The following WFS1 variants were observed in gnomAD, a reference collection of about 807,000 sequenced individuals.
WFS1 encodes the protein wolframin.
In WFS1, 90 loss-of-function variants were observed where a neutral mutation model predicts 68.5. The observed-to-expected ratio is 1.31, with a 90% CI of 1.11 to 1.56. The LOEUF (loss-of-function observed/expected upper bound fraction) is 1.56. Ranked by LOEUF, WFS1 falls within the 40% of genes most tolerant of loss-of-function variation. WFS1 has a pLI of 0.00. For synonymous variants in WFS1, 860 were observed against 540.7 expected (o/e 1.59, Z -8.19); for missense variants, 1,767 against 1,232.6 (o/e 1.43, Z -6.49).
intron 6 of WFS1, among the ~76,000 whole-genome samples, chr4:6,293,446 T>C (rs568746517): frequency 6.6e-6 from 1 of 152,304 alleles, no homozygotes; most frequent in African/African-American, 2.4e-5. Context: ...GCGTCTGTCA[T>C]CCCCTTCTCT....
intron 5 of WFS1, 147 bp downstream of exon 5, chr4:6,291,514 T>A: frequency 9.2e-7 from 1 of 1,090,288 alleles, no homozygotes; most frequent in Non-Finnish European, 1.3e-6. Flanking sequence ...ACAGGGCCCT[T>A]CCTTGTGGGG....
intron 1 of WFS1, among the ~76,000 whole-genome samples, chr4:6,272,121 G>A (rs1286527389): frequency 6.6e-6 from 1 of 152,216 alleles, no homozygotes; most frequent in Non-Finnish European, 1.5e-5. Flanking sequence ...GTGGAGTGAG[G>A]GCCCCCTTCT....
chr4:6,270,540 C>A (rs1729804601), intron 1 of WFS1, among the ~76,000 whole-genome samples: 1 of 152,126 alleles, frequency 6.6e-6, no homozygotes, highest in African/African-American at 2.4e-5. Context: ...CATTCTGAAT[C>A]CCCACAGCCC....
intron 7 of WFS1, 104 bp from the exon 8 acceptor site, chr4:6,300,553 G>A (rs1730841007): frequency 8.4e-6 from 13 of 1,543,378 alleles, no homozygotes; most frequent in South Asian, 8.2e-5. Flanking sequence ...ACGCAAGGGT[G>A]CGGGTTCCTT....
intron 7 of WFS1, among the ~76,000 whole-genome samples, chr4:6,297,990 T>G (rs1016440012): frequency 9.8e-5 from 15 of 152,312 alleles, no homozygotes; most frequent in African/African-American, 3.6e-4. Context: ...ATATTCCTTG[T>G]CTTTTAAAGG....
chr4:6,279,268 T>C (rs886419341), intron 2 of WFS1, among the ~76,000 whole-genome samples: 1 of 152,176 alleles, frequency 6.6e-6, no homozygotes, highest in African/African-American at 2.4e-5. Context: ...GAAATACCAA[T>C]AGGTAACAAC....
intron 1 of WFS1, among the ~76,000 whole-genome samples, chr4:6,271,293 G>A (rs922347218): frequency 2.0e-5 from 3 of 152,132 alleles, no homozygotes; most frequent in African/African-American, 4.8e-5. Flanking sequence ...TCCTCCCTTC[G>A]CAGACACAGG....
chr4:6,282,326 T>G (rs1730193596), intron 2 of WFS1, among the ~76,000 whole-genome samples: 1 of 152,236 alleles, frequency 6.6e-6, no homozygotes, highest in Non-Finnish European at 1.5e-5. Context: ...GCCACCACCC[T>G]GTGCCCTGTC....
rs1309408215 is a variant in WFS1 at position 6,301,423 on chromosome 4, T to G, written c.1628T>G (p.Leu543Arg). The G allele has an allele frequency of 6.2e-7, 1 of 1,612,490 alleles. No individual in the cohort carries two copies. ...PYLVCFMWCELSVVILLESTG... is the reference protein window; with the variant it reads ...PYLVCFMWCERSVVILLESTG... ...CTGGTGTGCTTCATGTGGTGTGAGCTCTCCGTGGTCATCCTGCTGGAGTCC... is the reference window on the plus strand; with the variant it reads ...CTGGTGTGCTTCATGTGGTGTGAGCGCTCCGTGGTCATCCTGCTGGAGTCC... Residue 543 changes from leucine (L) to arginine (R), a missense_variant, in exon 8 of 8, where the codon CTC (leucine) becomes CGC (arginine). Transcript: ENST00000226760.
rs149697409 is a variant in WFS1 at position 6,287,131 on chromosome 4, G to A, written c.271G>A (p.Val91Ile). Residue 91 changes from valine (V) to isoleucine (I), a missense_variant, in exon 3 of 8, where the codon GTC (valine) becomes ATC (isoleucine). Transcript: ENST00000226760. The surrounding 1 kb of genome is among the most constrained non-coding windows in gnomAD (Gnocchi z 6.4). ...AGACATGGAAATCCCCTTTGAAGAA[G>A]TCCTGGAGAGGGCCAAGGCCGGGGA... ...KGDMEIPFEE[V>I]LERAKAGDPK... 69 of 1,560,874 alleles carry A rather than the reference G, an allele frequency of 4.4e-5. No individual in the cohort carries two copies. Among genetic ancestry groups the A allele is most frequent in the Non-Finnish European group, 5.3e-5 (61 of 1,151,028 alleles).
chr4:6,275,064 A>G (rs1175004833), intron 1 of WFS1, among the ~76,000 whole-genome samples: 1 of 152,204 alleles, frequency 6.6e-6, no homozygotes, highest in African/African-American at 2.4e-5. Context: ...TTCCAGGTCC[A>G]TGCGAGGAAC....
In WFS1 at chr4:6,302,115, A is replaced by G. The variant is rs938877393; in HGVS notation, c.2320A>G (p.Lys774Glu). The G allele has an allele frequency of 3.7e-6, 6 of 1,612,792 alleles. No individual in the cohort carries two copies. Among genetic ancestry groups the G allele is most frequent in the Non-Finnish European group, 4.2e-6 (5 of 1,180,018 alleles). ...PCHIKKFDRY[K>E]FEITVGMPFS... Reference sequence around the variant, plus strand: ...CCACATCAAGAAGTTCGACCGCTACAAGTTTGAGATTACCGTGGGCATGCC... The same window carrying G: ...CCACATCAAGAAGTTCGACCGCTACGAGTTTGAGATTACCGTGGGCATGCC... The change falls in exon 8 of 8, where the codon AAG becomes GAG. Residue 774 changes from lysine (K) to glutamate (E), a missense_variant. Physicochemically the swap from Lys to Glu is moderately conservative, Grantham distance 56 (BLOSUM62 1). Transcript: ENST00000226760.
Position 6,285,190 on chromosome 4 carries a change from C to T in WFS1, c.233-1903C>T, listed in dbSNP as rs191213596. 6.6e-4 allele frequency among the ~76,000 whole-genome samples: 98 copies of T among 149,386 alleles called. No homozygotes were observed. In the Middle Eastern group the frequency reaches 0.014, roughly 21 times the overall value. ...GGAGAGTTACATCCAGGGAGAGTTA[C>T]GTCCAGGGAGAGGGGCGTCCAGGAA... On this transcript the variant is annotated intron_variant, in intron 2 of 7. Transcript: ENST00000226760.
Position 6,287,294 on chromosome 4 carries a change from C to A in WFS1, c.315+119C>A. 2.2e-6 allele frequency: 2 copies of A among 898,214 alleles called. No individual in the cohort carries two copies. The highest frequency in any genetic ancestry group is 3.6e-6 in the Non-Finnish European group (2 of 561,394). The allele number at this position is 898,214 out of a possible 1,614,324, so 55.6% of individuals were successfully genotyped here. A position where few individuals can be genotyped will look rare whatever the true frequency, so the allele number is the denominator to read the frequency against. On this transcript the variant is annotated intron_variant, in intron 3 of 7. Transcript: ENST00000226760. This position sits in a 1 kb window ranked among gnomAD's most constrained non-coding sequence, Gnocchi z 6.4. ...GCCTGAGATCGGGGTCAGGAGCCAGCGTGGTGCACCCTACCCCACTTGAGC... is the reference window on the plus strand; with the variant it reads ...GCCTGAGATCGGGGTCAGGAGCCAGAGTGGTGCACCCTACCCCACTTGAGC...
At chr4:6,277,743 G>C in intron 2 of WFS1, 56 bp downstream of exon 2, 2 of 1,540,766 alleles carry the variant, frequency 1.3e-6, no homozygotes, top group Non-Finnish European at 1.8e-6. Flanking sequence ...AGCTGGGTGG[G>C]AACGGGGTTC....
rs778434865 is a variant in WFS1 at position 6,301,766 on chromosome 4, G to A, written c.1971G>A (p.Met657Ile). 6 of 1,613,558 alleles carry A rather than the reference G, an allele frequency of 3.7e-6. No individual in the cohort carries two copies. In the Admixed American group the frequency reaches 5.0e-5, roughly 13 times the overall value. ...CWFYVYRSEG[M>I]KVYNSTLTWQ... is the part of the protein sequence containing the mutation. ...TCTATGTGTACCGCTCAGAGGGCAT[G>A]AAGGTCTACAACTCCACACTGACCT... is the stretch of plus-strand genomic sequence containing the variant. The change falls in exon 8 of 8, where the codon ATG becomes ATA. Residue 657 changes from methionine (M) to isoleucine (I), a missense_variant. Transcript: ENST00000226760.
In WFS1 at chr4:6,302,227, AG is replaced by A; in HGVS notation, c.2433del (p.Ser812AlafsTer50). The A allele has an allele frequency of 2.5e-6, 4 of 1,609,954 alleles. No homozygotes were observed. The highest frequency in any genetic ancestry group is 3.4e-6 in the Non-Finnish European group (4 of 1,178,002). ...GTGCTGCGGGCCAGCAGCGAGTTCA[AG>A]AGCGTGCTGCTCAGCCTGCGCCAGG... ...DIVLRASSEF[K>X]SVLLSLRQGS... On this transcript the variant is annotated frameshift_variant, in exon 8 of 8. Transcript: ENST00000226760. LOFTEE classifies it high-confidence loss of function.
intron 1 of WFS1, among the ~76,000 whole-genome samples, chr4:6,272,916 T>TC (rs1729879508): frequency 6.6e-6 from 1 of 152,196 alleles, no homozygotes; most frequent in Non-Finnish European, 1.5e-5. Context: ...CGTTGCACCA[T>TC]ATGGAGGGGT....
At chr4:6,273,711 G>T (rs949892728) in intron 1 of WFS1, among the ~76,000 whole-genome samples, 1 of 152,246 alleles carries the variant, frequency 6.6e-6, no homozygotes, top group African/African-American at 2.4e-5. Flanking sequence ...CAGACAGCAG[G>T]TCCTTCCACC....
Sources: allele counts gnomAD v4.1 joint callset (sites outside exome capture counted in the v4.1 genomes callset), GRCh38; gene constraint gnomAD v4.1.1; non-coding constraint Gnocchi (gnomAD v3.1); transcripts MANE v1.5; gene names NCBI Gene and HGNC (gene_info 2026-07-23, HGNC 2026-07-21).